Variants in FARSB observed in about 807,000 individuals in gnomAD.
The protein encoded by FARSB is phenylalanine--tRNA ligase beta subunit.
FARSB carries 40 observed loss-of-function variants against 69.6 expected under a neutral mutation model. The ratio of observed to expected loss-of-function variants is 0.57; its 90% CI spans 0.45 to 0.75. The LOEUF (loss-of-function observed/expected upper bound fraction) is 0.75. FARSB is among the 30% of genes least tolerant of loss of function. FARSB has a pLI of 0.00. For missense variants in FARSB, 632 were observed against 722.9 expected (o/e 0.87, Z 1.44); for synonymous variants, 235 against 247.2 (o/e 0.95, Z 0.46).
chr2:222,629,227 T>C (rs914714999), intron 9 of FARSB, among the ~76,000 whole-genome samples: 4 of 152,130 alleles, frequency 2.6e-5, no homozygotes, highest in African/African-American at 9.7e-5. Flanking sequence ...ACTGAAAGAA[T>C]CACTGAAATG....
rs772303507 is a variant in FARSB at position 222,628,827 on chromosome 2, A to C, written c.900+10T>G. 1 of 1,570,970 alleles carries C rather than the reference A, an allele frequency of 6.4e-7. No homozygotes were observed. Among genetic ancestry groups the C allele is most frequent in the Non-Finnish European group, 8.8e-7 (1 of 1,141,840 alleles). ...TGTCATAATCATGAAGTCATTTCTT[A>C]AGCACTTACTGGAAAGGTATGTGAT... On this transcript the variant is annotated intron_variant, in intron 10 of 16. Coordinates refer to ENST00000281828, the MANE Select transcript of FARSB (RefSeq NM_005687.5).
rs1313842342 is a variant in FARSB, at chr2:222,567,952, A to G, written c.*3919T>C. On this transcript the variant is annotated 3_prime_UTR_variant, in exon 17 of 17. Transcript: ENST00000281828. Reference sequence around the variant, plus strand: ...TGTACAATAGAATATTACCTCATTTAAAAGAATGAGATAGGTCTATAGGCA... The same window carrying G: ...TGTACAATAGAATATTACCTCATTTGAAAGAATGAGATAGGTCTATAGGCA... 2.6e-5 allele frequency: 4 copies of G among 152,238 alleles called. No individual in the cohort carries two copies. The highest frequency in any genetic ancestry group is 4.8e-5 in the African/African-American group (2 of 41,458). 9.4% of individuals were successfully genotyped at this position (152,238 alleles called of 1,614,324 possible).
chr2:222,581,216 TA>T (rs897226377), intron 16 of FARSB, among the ~76,000 whole-genome samples: 1 of 152,238 alleles, frequency 6.6e-6, no homozygotes, highest in African/African-American at 2.4e-5. Flanking sequence ...CTGTCATTTT[TA>T]TGAAGGTATT....
At chr2:222,578,696 G>A (rs1337102952) in intron 16 of FARSB, among the ~76,000 whole-genome samples, 3 of 150,978 alleles carry the variant, frequency 2.0e-5, no homozygotes, top group African/African-American at 7.4e-5. Context: ...AAAATTAGCT[G>A]GGGCCGGGCA....
At chr2:222,651,113 G>C (rs1246332321) in intron 1 of FARSB, among the ~76,000 whole-genome samples, 1 of 152,198 alleles carries the variant, frequency 6.6e-6, no homozygotes, top group Non-Finnish European at 1.5e-5. Context: ...TCTTTGGTAA[G>C]GATGCAGGTG....
intron 10 of FARSB, among the ~76,000 whole-genome samples, chr2:222,626,001 C>A (rs1691258525): frequency 6.6e-6 from 1 of 151,966 alleles, no homozygotes. Flanking sequence ...AATCCCAACA[C>A]TTTGGGAGGC....
At chr2:222,633,581 C>T (rs182487002) in intron 6 of FARSB, among the ~76,000 whole-genome samples, 2 of 149,144 alleles carry the variant, frequency 1.3e-5, no homozygotes, top group African/African-American at 4.9e-5. Flanking sequence ...ACTCGGGAGG[C>T]TGAGGCAGGA....
chr2:222,579,892 C>A (rs971813208), intron 16 of FARSB, among the ~76,000 whole-genome samples: 1 of 152,160 alleles, frequency 6.6e-6, no homozygotes, highest in Non-Finnish European at 1.5e-5. Flanking sequence ...CTTGCAACTG[C>A]CTCCCCTGAC....
Position 222,567,142 on chromosome 2 carries a change from C to G in FARSB, c.*4729G>C, listed in dbSNP as rs935504595. The G allele has an allele frequency of 2.0e-5, 3 of 152,188 alleles. No individual in the cohort carries two copies. Among genetic ancestry groups the G allele is most frequent in the Admixed American group, 6.5e-5 (1 of 15,286 alleles). The allele number at this position is 152,188 out of a possible 1,614,324, so 9.4% of individuals were successfully genotyped here. A position where few individuals can be genotyped will look rare whatever the true frequency, so the allele number is the denominator to read the frequency against. On this transcript the variant is annotated 3_prime_UTR_variant, in exon 17 of 17. Coordinates refer to ENST00000281828, the MANE Select transcript of FARSB (RefSeq NM_005687.5). ...TTCATGAGGGCCTCCCTCTCATGACCTCATCTAGCTCTAATCACCTGCCAA... is the reference window on the plus strand; with the variant it reads ...TTCATGAGGGCCTCCCTCTCATGACGTCATCTAGCTCTAATCACCTGCCAA...
Position 222,653,715 on chromosome 2 carries a change from T to C in FARSB, c.58+2301A>G, listed in dbSNP as rs1692098554. Among the ~76,000 whole-genome samples the C allele has an allele frequency of 2.0e-5, 3 of 152,048 alleles. No homozygotes were observed. In the South Asian group the frequency reaches 6.2e-4, roughly 32 times the overall value. ...GCTTGATCACCGCTCACTACAGCCT[T>C]GACCGCCTTGGTTTAAGCGATCCTC... On this transcript the variant is annotated intron_variant, in intron 1 of 16. Coordinates refer to ENST00000281828, the MANE Select transcript of FARSB (RefSeq NM_005687.5).
intron 16 of FARSB, among the ~76,000 whole-genome samples, chr2:222,596,683 T>A (rs943771442): frequency 2.0e-5 from 3 of 152,080 alleles, no homozygotes; most frequent in Non-Finnish European, 2.9e-5. Flanking sequence ...AACAATAAAC[T>A]GGAGGAAATG....
chr2:222,644,421 A>T (rs1219148590), intron 2 of FARSB: 2 of 367,886 alleles, frequency 5.4e-6, no homozygotes, highest in Admixed American at 6.0e-5. Context: ...GGGAAAAGAA[A>T]AGAAGGGGAA....
chr2:222,633,028 ATGT>A (rs1356552331), intron 7 of FARSB, among the ~76,000 whole-genome samples, 168 bp downstream of exon 7: 1 of 152,190 alleles, frequency 6.6e-6, no homozygotes, highest in Non-Finnish European at 1.5e-5. Context: ...CACCAATAAA[ATGT>A]TGTTGAATAA....
At chr2:222,628,427 AATT>A (rs1691330945) in intron 10 of FARSB, among the ~76,000 whole-genome samples, 3 of 152,332 alleles carry the variant, frequency 2.0e-5, no homozygotes, top group South Asian at 2.1e-4. Flanking sequence ...AAATATGTAC[AATT>A]ATTATGTGCC....
intron 16 of FARSB, among the ~76,000 whole-genome samples, chr2:222,572,927 A>AG (rs1689750904): frequency 6.6e-6 from 1 of 152,214 alleles, no homozygotes. Context: ...CAACTTGAAA[A>AG]GGGATCAGGC....
At chr2:222,580,944 G>T in intron 16 of FARSB, among the ~76,000 whole-genome samples, 1 of 152,140 alleles carries the variant, frequency 6.6e-6, no homozygotes, top group East Asian at 1.9e-4. Flanking sequence ...CTACAAGACA[G>T]GAAGGGCCAG....
chr2:222,570,340 G>A lies in FARSB; in HGVS notation c.*1531C>T, dbSNP rs971917893. ...GGGCATATTTCATTTTTAAAATGTT[G>A]TAAGGATCTGCTTATAACAGAGCTG... On this transcript the variant is annotated 3_prime_UTR_variant, in exon 17 of 17. Transcript: ENST00000281828. Among the ~76,000 whole-genome samples, 2 of 152,120 alleles carry A rather than the reference G, an allele frequency of 1.3e-5. No individual in the cohort carries two copies. Among genetic ancestry groups the A allele is most frequent in the African/African-American group, 4.8e-5 (2 of 41,420 alleles).
At chr2:222,602,343 TA>T (rs890396291) in intron 15 of FARSB, among the ~76,000 whole-genome samples, 7 of 151,744 alleles carry the variant, frequency 4.6e-5, no homozygotes, top group African/African-American at 1.4e-4. Context: ...AATGTGATCT[TA>T]AAAAAAATAC....
chr2:222,576,447 A>G (rs1009820831), intron 16 of FARSB, among the ~76,000 whole-genome samples: 3 of 152,154 alleles, frequency 2.0e-5, no homozygotes, highest in African/African-American at 4.8e-5. Context: ...AGCAAACAAC[A>G]GAAACTATCA....
Sources: allele counts gnomAD v4.1 joint callset (sites outside exome capture counted in the v4.1 genomes callset), GRCh38; gene constraint gnomAD v4.1.1; transcripts MANE v1.5; gene names NCBI Gene and HGNC (gene_info 2026-07-23, HGNC 2026-07-21).